ERMP1: variants seen among roughly 807,000 people sequenced by gnomAD.
ERMP1 encodes Felix-ina.
In ERMP1, 86 loss-of-function variants were observed where a neutral mutation model predicts 92.0. The ratio of observed to expected loss-of-function variants is 0.93; its 90% CI spans 0.79 to 1.12. The LOEUF (loss-of-function observed/expected upper bound fraction) is 1.12. Ranked by LOEUF, ERMP1 falls within the 50% of genes most tolerant of loss-of-function variation. The pLI, the probability that ERMP1 is intolerant of heterozygous loss-of-function variation, is 0.00. For missense variants in ERMP1, 1,342 were observed against 1,116.3 expected (o/e 1.20, Z -2.88); for synonymous variants, 530 against 412.8 (o/e 1.28, Z -3.44).
At chr9:5,826,223 T>A (rs761996806) in intron 2 of ERMP1, among the ~76,000 whole-genome samples, 2 of 152,228 alleles carry the variant, frequency 1.3e-5, no homozygotes, top group Non-Finnish European at 2.9e-5. Context: ...AAACTTTCCA[T>A]ATCAGAAAAC....
rs1345220394 is a variant in ERMP1 at position 5,784,727 on chromosome 9, T to A, written c.*2417A>T. 4 of 152,620 alleles carry A rather than the reference T, an allele frequency of 2.6e-5. No individual in the cohort carries two copies. In the East Asian group the frequency reaches 7.7e-4, roughly 29 times the overall value. The allele number at this position is 152,620 out of a possible 1,614,324, so 9.5% of individuals were successfully genotyped here. A position where few individuals can be genotyped will look rare whatever the true frequency, so the allele number is the denominator to read the frequency against. ...CCCTGGGTGGTAACATCTTAAGGAA[T>A]CCTATCATGTTTGTTTATATATGCT... On this transcript the variant is annotated 3_prime_UTR_variant, in exon 15 of 15. Transcript: ENST00000339450.
intron 6 of ERMP1, among the ~76,000 whole-genome samples, chr9:5,857,292 G>A (rs1469034937): frequency 2.0e-5 from 3 of 152,144 alleles, no homozygotes; most frequent in African/African-American, 4.8e-5. Context: ...AAAGTGCTGG[G>A]ATTACAGGCA....
chr9:5,828,147 T>C (rs1404724093), intron 2 of ERMP1, among the ~76,000 whole-genome samples: 1 of 152,162 alleles, frequency 6.6e-6, no homozygotes, highest in Non-Finnish European at 1.5e-5. Context: ...ATTTAAAACA[T>C]AATAATAAAA....
intron 4 of ERMP1, among the ~76,000 whole-genome samples, chr9:5,815,448 A>AC (rs1199644056): frequency 2.0e-5 from 3 of 151,736 alleles, no homozygotes; most frequent in Admixed American, 2.0e-4. Context: ...AACAATAGTA[A>AC]CAGAATATAT....
chr9:5,813,422 T>C (rs535917504), intron 4 of ERMP1, among the ~76,000 whole-genome samples: 43 of 152,326 alleles, frequency 2.8e-4, no homozygotes, highest in African/African-American at 8.7e-4. Context: ...CTTAACATTA[T>C]ATTAAATGCA....
chr9:5,809,580 TGTGTTA>T (rs1829010254), intron 8 of ERMP1, among the ~76,000 whole-genome samples: 1 of 152,222 alleles, frequency 6.6e-6, no homozygotes, highest in Non-Finnish European at 1.5e-5. Flanking sequence ...ATACTTGCTG[TGTGTTA>T]ATGCTGTGTG....
chr9:5,784,744 A>T lies in ERMP1; in HGVS notation c.*2400T>A, dbSNP rs115018167. ...TTAAGGAATCCTATCATGTTTGTTT[A>T]TATATGCTAAACTGTAAAAACAAAC... On this transcript the variant is annotated 3_prime_UTR_variant, in exon 15 of 15. Transcript: ENST00000339450. 12,929 of 152,636 alleles carry T rather than the reference A, an allele frequency of 0.085. 2 individuals are homozygous for T. The highest frequency in any genetic ancestry group is 0.17 in the African/African-American group (7,198 of 41,478). The allele number at this position is 152,636 out of a possible 1,614,324, so 9.5% of individuals were successfully genotyped here. A position where few individuals can be genotyped will look rare whatever the true frequency, so the allele number is the denominator to read the frequency against.
chr9:5,858,899 C>T (rs1391093134), intron 6 of ERMP1, among the ~76,000 whole-genome samples: 3 of 152,198 alleles, frequency 2.0e-5, no homozygotes, highest in Non-Finnish European at 4.4e-5. Flanking sequence ...AGGCTTCAAG[C>T]AGTGGTTCCT....
At chr9:5,823,644 G>A (rs1014797233) in intron 4 of ERMP1, among the ~76,000 whole-genome samples, 3 of 152,134 alleles carry the variant, frequency 2.0e-5, no homozygotes, top group Non-Finnish European at 4.4e-5. Context: ...ATGTTGTTTG[G>A]AGGATTCAAT....
At chr9:5,807,324 T>C (rs902711666) in intron 8 of ERMP1, among the ~76,000 whole-genome samples, 6 of 152,218 alleles carry the variant, frequency 3.9e-5, no homozygotes, top group African/African-American at 1.4e-4. Flanking sequence ...TTTCCAGTTA[T>C]TGGACTACCT....
chr9:5,854,629 T>G (rs139792160), intron 6 of ERMP1, among the ~76,000 whole-genome samples: 1 of 152,178 alleles, frequency 6.6e-6, no homozygotes, highest in African/African-American at 2.4e-5. Context: ...CCTCCTGGTT[T>G]AAGTAATTCT....
At chr9:5,813,067 T>C (rs759380474) in intron 4 of ERMP1, 32 bp from the exon 5 acceptor site, 99 of 1,591,016 alleles carry the variant, frequency 6.2e-5, no homozygotes, top group Non-Finnish European at 7.7e-5. Flanking sequence ...CAATAGAAGG[T>C]ATTCCGGCAA....
chr9:5,819,965 T>A (rs1235558734), intron 4 of ERMP1, among the ~76,000 whole-genome samples: 1 of 152,082 alleles, frequency 6.6e-6, no homozygotes, highest in Admixed American at 6.6e-5. Flanking sequence ...GAATTATATA[T>A]CTCAATAAAG....
At chr9:5,855,816 A>C (rs951660930) in intron 6 of ERMP1, 1 of 175,662 alleles carries the variant, frequency 5.7e-6, no homozygotes, top group African/African-American at 2.4e-5. Context: ...TGATCTTGTT[A>C]AGAAAAATAT....
At chr9:5,790,973 A>G (rs772196686) in intron 13 of ERMP1, among the ~76,000 whole-genome samples, 1 of 152,224 alleles carries the variant, frequency 6.6e-6, no homozygotes, top group Non-Finnish European at 1.5e-5. Flanking sequence ...ATTTCATTGT[A>G]TGTAAATTAG....
At chr9:5,844,135 C>T (rs542599084) in intron 6 of ERMP1, among the ~76,000 whole-genome samples, 1 of 152,130 alleles carries the variant, frequency 6.6e-6, no homozygotes, top group Non-Finnish European at 1.5e-5. Flanking sequence ...AAATTAGACA[C>T]CCTGTCCTGG....
At chr9:5,843,442 CT>C (rs1257521996) in intron 6 of ERMP1, among the ~76,000 whole-genome samples, 1 of 152,186 alleles carries the variant, frequency 6.6e-6, no homozygotes, top group Non-Finnish European at 1.5e-5. Context: ...CCTCTGAGCC[CT>C]CACCTTTAAG....
chr9:5,865,057 C>A (rs7044790), intron 5 of ERMP1, among the ~76,000 whole-genome samples: 4 of 151,990 alleles, frequency 2.6e-5, no homozygotes, highest in Admixed American at 6.5e-5. Flanking sequence ...TTTAGAAATG[C>A]GGTAGTAAAT....
intron 6 of ERMP1, among the ~76,000 whole-genome samples, chr9:5,848,443 C>A (rs1010404444): frequency 6.6e-6 from 1 of 152,168 alleles, no homozygotes; most frequent in Non-Finnish European, 1.5e-5. Flanking sequence ...CCAGAACTGT[C>A]AGATAATACA....
Sources: gnomAD v4.1 joint callset for allele counts (sites outside exome capture counted in the v4.1 genomes callset) on GRCh38, gnomAD v4.1.1 for gene constraint, MANE v1.5 for transcripts, NCBI Gene and HGNC (gene_info 2026-07-23, HGNC 2026-07-21) for gene names.